The following FLT3 variants were observed in gnomAD, a reference collection of about 807,000 sequenced individuals.
The protein encoded by FLT3 is receptor-type tyrosine-protein kinase FLT3.
Under a neutral mutation model 126.6 loss-of-function variants are expected in FLT3, and 46 were observed. That is an observed-to-expected ratio of 0.36 (90% CI 0.29 to 0.46). The LOEUF is 0.46. Among genes scored for constraint, FLT3 ranks in the 20% least tolerant of loss-of-function variants. The pLI, the probability that FLT3 is intolerant of heterozygous loss-of-function variation, is 1.00. For synonymous variants in FLT3, 404 were observed against 434.4 expected (o/e 0.93, Z 0.87); for missense variants, 1,069 against 1,190.3 (o/e 0.90, Z 1.50).
intron 1 of FLT3, among the ~76,000 whole-genome samples, chr13:28,088,599 T>TC (rs1430576426): frequency 6.7e-6 from 1 of 148,684 alleles, no homozygotes; most frequent in Non-Finnish European, 1.5e-5. Flanking sequence ...TTTTTTTTTT[T>TC]TTTTGAGACA....
intron 19 of FLT3, among the ~76,000 whole-genome samples, chr13:28,018,857 G>A (rs973966347): frequency 5.3e-5 from 8 of 152,310 alleles, no homozygotes; most frequent in Middle Eastern, 3.4e-3. Context: ...TGCAGATTCC[G>A]AGCAAAAGTG....
In FLT3 at chr13:28,100,322, A is replaced by T; in HGVS notation, c.43+146T>A. The T allele has an allele frequency of 4.2e-6, 2 of 473,116 alleles. No individual in the cohort carries two copies. Among genetic ancestry groups the T allele is most frequent in the Non-Finnish European group, 6.5e-6 (2 of 306,560 alleles). 29.3% of individuals were successfully genotyped at this position (473,116 alleles called of 1,614,324 possible). A position where few individuals can be genotyped will look rare whatever the true frequency, so the allele number is the denominator to read the frequency against. ...TGGGCGAGTCCGGAGGGCGCGAAAG[A>T]GGGGAGGGGCGCGGGAGGCAATGGA... On this transcript the variant is annotated intron_variant, in intron 1 of 23. Transcript: ENST00000241453. The surrounding 1 kb of genome is among the most constrained non-coding windows in gnomAD (Gnocchi z 4.8).
chr13:28,049,310 G>T (rs1875204501), intron 8 of FLT3, 74 bp downstream of exon 8: 2 of 1,320,048 alleles, frequency 1.5e-6, no homozygotes, highest in Non-Finnish European at 2.1e-6. Context: ...ATCAGAATTT[G>T]TACCACATAC....
chr13:28,067,019 G>A (rs751148813), intron 2 of FLT3, among the ~76,000 whole-genome samples: 3 of 152,134 alleles, frequency 2.0e-5, no homozygotes, highest in Non-Finnish European at 4.4e-5. Flanking sequence ...GGAAGGGCAC[G>A]CTCCTGGGAA....
chr13:28,017,377 C>A (rs1273281673), intron 20 of FLT3, among the ~76,000 whole-genome samples: 1 of 151,968 alleles, frequency 6.6e-6, no homozygotes, highest in African/African-American at 2.4e-5. Context: ...CGTGTGCCAC[C>A]ACACTCAGCT....
At chr13:28,015,816 A>G (rs1296233318) in intron 20 of FLT3, 115 bp from the exon 21 acceptor site, 1 of 659,854 alleles carries the variant, frequency 1.5e-6, no homozygotes, top group Non-Finnish European at 2.7e-6. Flanking sequence ...TTAATGCCTT[A>G]TTGAGAAAAT....
intron 9 of FLT3, among the ~76,000 whole-genome samples, chr13:28,042,100 C>T (rs946815488): frequency 6.7e-6 from 1 of 149,954 alleles, no homozygotes; most frequent in East Asian, 2.0e-4. Context: ...GAGCCGAGAT[C>T]GCACCATTGC....
chr13:28,077,952 T>C (rs1056991281), intron 1 of FLT3, among the ~76,000 whole-genome samples: 2 of 152,204 alleles, frequency 1.3e-5, no homozygotes, highest in African/African-American at 2.4e-5. Flanking sequence ...CAAAATGATC[T>C]CTTTTGACTC....
chr13:28,021,888 G>A (rs1014738594), intron 19 of FLT3, among the ~76,000 whole-genome samples: 16 of 150,636 alleles, frequency 1.1e-4, no homozygotes, highest in Non-Finnish European at 1.8e-4. Context: ...GACTACAGGC[G>A]CCCGCCACCA....
intron 1 of FLT3, among the ~76,000 whole-genome samples, chr13:28,088,340 T>C (rs1006752356): frequency 2.6e-5 from 4 of 151,820 alleles, no homozygotes; most frequent in Non-Finnish European, 4.4e-5. Context: ...CAGGCTGGAG[T>C]GCAGTGGCAC....
At chr13:28,084,751 G>A (rs9554247) in intron 1 of FLT3, among the ~76,000 whole-genome samples, 80,382 of 151,800 alleles carry the variant, frequency 0.53, 22,745 homozygotes, top group East Asian at 0.73. Flanking sequence ...CGAGGAGGGC[G>A]GATCACGAGG....
At chr13:28,037,131 TA>T in intron 10 of FLT3, 53 bp downstream of exon 10, 1 of 1,082,126 alleles carries the variant, frequency 9.2e-7, no homozygotes, top group South Asian at 1.3e-5. Flanking sequence ...TTAAGACTAA[TA>T]AAAAATTAAG....
chr13:28,058,207 T>TTAA (rs373178245), intron 3 of FLT3, among the ~76,000 whole-genome samples: 25 of 127,698 alleles, frequency 2.0e-4, no homozygotes, highest in South Asian at 7.8e-4. Context: ...TTTTAAAAAT[T>TTAA]AAAAAAAAAA....
rs1007864963 is a variant in FLT3, at chr13:28,100,353, C to T, written c.43+115G>A. 35 of 697,898 alleles carry T rather than the reference C, an allele frequency of 5.0e-5. No individual in the cohort carries two copies. The highest frequency in any genetic ancestry group is 9.1e-5 in the Admixed American group (2 of 22,034). The allele number at this position is 697,898 out of a possible 1,614,324, so 43.2% of individuals were successfully genotyped here. A position where few individuals can be genotyped will look rare whatever the true frequency, so the allele number is the denominator to read the frequency against. On this transcript the variant is annotated intron_variant, in intron 1 of 23. Transcript: ENST00000241453. This position sits in a 1 kb window ranked among gnomAD's most constrained non-coding sequence, Gnocchi z 4.8. ...GGGGCGCGGGAGGCAATGGAAGGAG[C>T]GAGCGCGGGGAGGAGCGAGGCGGCT...
intron 1 of FLT3, among the ~76,000 whole-genome samples, chr13:28,075,078 C>T (rs1303958182): frequency 3.9e-5 from 6 of 152,040 alleles, no homozygotes; most frequent in African/African-American, 1.2e-4. Flanking sequence ...AATGAGATTG[C>T]TCATTTTAAA....
intron 9 of FLT3, among the ~76,000 whole-genome samples, chr13:28,047,470 G>A (rs1566081075): frequency 1.3e-5 from 2 of 152,136 alleles, no homozygotes; most frequent in Non-Finnish European, 2.9e-5. Flanking sequence ...AGCACTTTGG[G>A]AGGCCCAGGT....
intron 23 of FLT3, among the ~76,000 whole-genome samples, chr13:28,008,728 C>T (rs369057777): frequency 1.2e-4 from 19 of 152,200 alleles, no homozygotes; most frequent in African/African-American, 4.3e-4. Flanking sequence ...ATCCACTCGC[C>T]TCAGACTCCC....
chr13:28,003,892 T>C lies in FLT3; in HGVS notation c.*160A>G, dbSNP rs1870648398. On this transcript the variant is annotated 3_prime_UTR_variant, in exon 24 of 24. Transcript: ENST00000241453. ...TGATTTGATTTTACAAAAGTCCCTT[T>C]GAAAACAAGAGTAAACGCAGACAGC... The C allele has an allele frequency of 2.6e-6, 2 of 783,756 alleles. No homozygotes were observed. Among genetic ancestry groups the C allele is most frequent in the South Asian group, 1.9e-5 (1 of 53,716 alleles). The allele number at this position is 783,756 out of a possible 1,614,324, so 48.6% of individuals were successfully genotyped here.
At position 28,062,069 on chromosome 13, in the gene FLT3, C is replaced by A. The variant is rs1193293388; in HGVS notation, c.166G>T (p.Val56Leu). 6.2e-7 allele frequency: 1 copy of A among 1,611,070 alleles called. No individual in the cohort carries two copies. Among genetic ancestry groups the A allele is most frequent in the South Asian group, 1.1e-5 (1 of 90,920 alleles). The change falls in exon 3 of 24, where the codon GTA becomes TTA. Residue 56 changes from valine (V) to leucine (L), a missense_variant and splice_region_variant. Val to Leu is a conservative substitution (Grantham distance 32). Coordinates refer to ENST00000241453, the MANE Select transcript of FLT3 (RefSeq NM_004119.3). ...SVGKSSSYPM[V>L]SESPEDLGCA... Reference sequence around the variant, plus strand: ...CCGAGGTCTTCCGGGGATTCTGATACCTACGTTGCAGATAGAACAAAGTGA... The same window carrying A: ...CCGAGGTCTTCCGGGGATTCTGATAACTACGTTGCAGATAGAACAAAGTGA...
Sources: allele counts gnomAD v4.1 joint callset (sites outside exome capture counted in the v4.1 genomes callset), GRCh38; gene constraint gnomAD v4.1.1; non-coding constraint Gnocchi (gnomAD v3.1); transcripts MANE v1.5; gene names NCBI Gene and HGNC (gene_info 2026-07-23, HGNC 2026-07-21).